ALDH7A1: variants seen among roughly 807,000 people sequenced by gnomAD.
The protein encoded by ALDH7A1 is aldehyde dehydrogenase 7 family member A1.
Under a neutral mutation model 79.9 loss-of-function variants are expected in ALDH7A1, and 63 were observed. That is an observed-to-expected ratio of 0.79 (90% CI 0.64 to 0.97). ALDH7A1 has a LOEUF of 0.97. Among genes scored for constraint, ALDH7A1 ranks in the 50% least tolerant of loss-of-function variants. The probability of loss-of-function intolerance (pLI) is 0.00; values close to 1 mark genes in which losing one functional copy is unlikely to be tolerated. For synonymous variants in ALDH7A1, 240 were observed against 231.2 expected, an observed-to-expected ratio of 1.04 and a Z score of -0.34; for missense variants, 627 against 665.2, an observed-to-expected ratio of 0.94 and a Z score of 0.63.
intron 9 of ALDH7A1, among the ~76,000 whole-genome samples, chr5:126,564,930 G>A (rs1581374988): frequency 1.3e-5 from 2 of 152,042 alleles, no homozygotes; most frequent in South Asian, 4.1e-4. Context: ...AATTAAGACA[G>A]GCAGATACAT....
intron 16 of ALDH7A1, among the ~76,000 whole-genome samples, chr5:126,549,151 T>C (rs868511349): frequency 7.4e-5 from 11 of 149,608 alleles, no homozygotes; most frequent in African/African-American, 2.7e-4. Context: ...GGGATTAAAT[T>C]AGTACAAAAG....
At chr5:126,565,780 G>A (rs1446517344) in intron 9 of ALDH7A1, among the ~76,000 whole-genome samples, 7 of 152,094 alleles carry the variant, frequency 4.6e-5, no homozygotes, top group Non-Finnish European at 7.4e-5. Context: ...GATGTAGTAG[G>A]GGCCTGACTT....
chr5:126,560,877 A>C (rs1750378714), intron 10 of ALDH7A1, among the ~76,000 whole-genome samples: 1 of 152,218 alleles, frequency 6.6e-6, no homozygotes, highest in Non-Finnish European at 1.5e-5. Flanking sequence ...AACATGTTCT[A>C]AACATGAATA....
chr5:126,575,564 C>G (rs1750936670), intron 6 of ALDH7A1, 100 bp from the exon 7 acceptor site: 1 of 1,092,766 alleles, frequency 9.2e-7, no homozygotes, highest in African/African-American at 1.6e-5. Flanking sequence ...TGAGAAAAAG[C>G]TCTGTCCAAT....
At chr5:126,573,859 T>A (rs1256748168) in intron 7 of ALDH7A1, among the ~76,000 whole-genome samples, 1 of 136,582 alleles carries the variant, frequency 7.3e-6, no homozygotes, top group South Asian at 2.4e-4. Context: ...AGAGCAAGAC[T>A]CTGTCTTTAA....
chr5:126,583,017 C>A, intron 4 of ALDH7A1, 43 bp from the exon 5 acceptor site: 1 of 1,611,876 alleles, frequency 6.2e-7, no homozygotes, highest in South Asian at 1.1e-5. Flanking sequence ...CAACAGAATT[C>A]ACATTATAAA....
In ALDH7A1 at chr5:126,595,200, C is replaced by T. The variant is rs763823758; in HGVS notation, c.-2G>A. On this transcript the variant is annotated 5_prime_UTR_variant, in exon 1 of 18. Coordinates refer to ENST00000409134, the MANE Select transcript of ALDH7A1 (RefSeq NM_001182.5). ...CAGCGCGCGAGGAAGGCGCCACATACTGAGCCCGGGACTCGGGATGAGCCC... is the reference window on the plus strand; with the variant it reads ...CAGCGCGCGAGGAAGGCGCCACATATTGAGCCCGGGACTCGGGATGAGCCC... The T allele has an allele frequency of 3.2e-6, 5 of 1,551,776 alleles. No individual in the cohort carries two copies. Among genetic ancestry groups the T allele is most frequent in the Non-Finnish European group, 3.5e-6 (4 of 1,147,068 alleles).
chr5:126,589,671 C>T (rs982031023), intron 3 of ALDH7A1, among the ~76,000 whole-genome samples: 2 of 144,512 alleles, frequency 1.4e-5, no homozygotes, highest in Non-Finnish European at 3.1e-5. Flanking sequence ...GAGGAGCGCC[C>T]TGCCCAGCCA....
chr5:126,589,088 A>G (rs995744381), intron 3 of ALDH7A1: 1 of 152,058 alleles, frequency 6.6e-6, no homozygotes, highest in African/African-American at 2.4e-5. Flanking sequence ...ATGAGGGAGT[A>G]ATGGGAATTC....
chr5:126,573,579 T>A (rs980297302), intron 7 of ALDH7A1, among the ~76,000 whole-genome samples: 3 of 151,168 alleles, frequency 2.0e-5, no homozygotes, highest in African/African-American at 7.3e-5. Flanking sequence ...ACACCTGTAG[T>A]CCCAGCCACT....
At chr5:126,545,325 A>G (rs926108317) in intron 17 of ALDH7A1, among the ~76,000 whole-genome samples, 3 of 151,996 alleles carry the variant, frequency 2.0e-5, no homozygotes, top group East Asian at 2.0e-4. Flanking sequence ...CCCAGACTGG[A>G]GTGCAATGGC....
chr5:126,549,872 A>G, intron 16 of ALDH7A1, 57 bp downstream of exon 16: 1 of 1,502,138 alleles, frequency 6.7e-7, no homozygotes. Context: ...TCTAAAAGCT[A>G]CTACTGGTTT....
chr5:126,577,250 T>TA, intron 5 of ALDH7A1, 39 bp from the exon 6 acceptor site: 1 of 1,612,234 alleles, frequency 6.2e-7, no homozygotes, highest in South Asian at 1.1e-5. Flanking sequence ...AGAAGCATGT[T>TA]AATTTAATGC....
At chr5:126,581,933 G>A (rs1053958250) in intron 5 of ALDH7A1, 360 of 343,042 alleles carry the variant, frequency 1.0e-3, no homozygotes, top group African/African-American at 5.8e-3. Flanking sequence ...AGCCAAGATC[G>A]CGCCACTGCA....
chr5:126,574,564 G>A (rs1750900847), intron 7 of ALDH7A1, among the ~76,000 whole-genome samples: 1 of 146,760 alleles, frequency 6.8e-6, no homozygotes, highest in African/African-American at 2.5e-5. Flanking sequence ...GTGTGGTGGT[G>A]TGCACCTGTA....
At chr5:126,547,258 T>A (rs1233445721) in intron 16 of ALDH7A1, among the ~76,000 whole-genome samples, 1 of 152,234 alleles carries the variant, frequency 6.6e-6, no homozygotes, top group East Asian at 1.9e-4. Context: ...TCATGGGTCT[T>A]CCCCAACAAA....
At chr5:126,581,016 G>A (rs955561179) in intron 5 of ALDH7A1, among the ~76,000 whole-genome samples, 38 of 151,976 alleles carry the variant, frequency 2.5e-4, no homozygotes, top group Admixed American at 1.2e-3. Context: ...TGGAAATGGG[G>A]TTTCTCCATG....
chr5:126,564,184 G>A (rs1279459179), intron 9 of ALDH7A1, among the ~76,000 whole-genome samples: 1 of 151,846 alleles, frequency 6.6e-6, no homozygotes, highest in Non-Finnish European at 1.5e-5. Flanking sequence ...TTGAGACAGA[G>A]TCTCACTCTG....
intron 5 of ALDH7A1, among the ~76,000 whole-genome samples, chr5:126,577,513 T>C (rs1223632450): frequency 6.6e-6 from 1 of 152,146 alleles, no homozygotes; most frequent in Admixed American, 6.5e-5. Context: ...ATGGGTGCCC[T>C]AGGTGGTATG....
Sources: allele counts gnomAD v4.1 joint callset (sites outside exome capture counted in the v4.1 genomes callset), GRCh38; gene constraint gnomAD v4.1.1; transcripts MANE v1.5; gene names NCBI Gene and HGNC (gene_info 2026-07-23, HGNC 2026-07-21).